HDAC9: variants seen among roughly 807,000 people sequenced by gnomAD.
The protein encoded by HDAC9 is MEF-2 interacting transcription repressor (MITR) protein.
HDAC9 carries 41 observed loss-of-function variants against 139.4 expected under a neutral mutation model. That is an observed-to-expected ratio of 0.29 (90% CI 0.23 to 0.38). HDAC9 has a LOEUF of 0.38. HDAC9 is among the 10% of genes least tolerant of loss of function. The probability of loss-of-function intolerance (pLI) is 1.00; values close to 1 mark genes in which losing one functional copy is unlikely to be tolerated. For missense variants in HDAC9, 1,147 were observed against 1,297.0 expected, an observed-to-expected ratio of 0.88 and a Z score of 1.78; for synonymous variants, 517 against 476.2, an observed-to-expected ratio of 1.09 and a Z score of -1.12.
intron 13 of HDAC9, among the ~76,000 whole-genome samples, chr7:18,743,370 A>C (rs1787629874): frequency 2.0e-5 from 3 of 152,226 alleles, no homozygotes; most frequent in Admixed American, 2.0e-4. Flanking sequence ...ACAGACAAAC[A>C]CAAAGCTGTA....
At chr7:18,415,201 G>A (rs558972365) in intron 1 of HDAC9, among the ~76,000 whole-genome samples, 1 of 152,258 alleles carries the variant, frequency 6.6e-6, no homozygotes, top group East Asian at 1.9e-4. Context: ...AGTAGAACAC[G>A]ATGCTGATAG....
chr7:18,955,249 G>A (rs1281348452), intron 24 of HDAC9, among the ~76,000 whole-genome samples: 2 of 152,072 alleles, frequency 1.3e-5, no homozygotes. Context: ...GAAGGCTGGA[G>A]GTGATTTCAT....
chr7:18,638,967 A>T (rs1784741210), intron 8 of HDAC9, among the ~76,000 whole-genome samples: 1 of 152,040 alleles, frequency 6.6e-6, no homozygotes, highest in South Asian at 2.1e-4. Context: ...GTTTCCATGG[A>T]TATCAACACT....
intron 2 of HDAC9, among the ~76,000 whole-genome samples, chr7:18,195,273 A>G (rs2128154563): frequency 6.6e-6 from 1 of 152,290 alleles, no homozygotes; most frequent in Non-Finnish European, 1.5e-5. Context: ...TTTTGGAGTC[A>G]AGAATTTATC....
chr7:18,421,070 A>T (rs961030137), intron 1 of HDAC9, among the ~76,000 whole-genome samples: 7 of 152,190 alleles, frequency 4.6e-5, no homozygotes, highest in African/African-American at 1.7e-4. Flanking sequence ...CTGCTTCTGT[A>T]CTATGTCCTA....
At chr7:18,279,423 A>C (rs1361872365) in intron 2 of HDAC9, among the ~76,000 whole-genome samples, 1 of 151,704 alleles carries the variant, frequency 6.6e-6, no homozygotes, top group Admixed American at 6.6e-5. Flanking sequence ...AAGATGATGC[A>C]AAAAATTGGT....
intron 1 of HDAC9, among the ~76,000 whole-genome samples, chr7:18,354,271 C>T (rs889001900): frequency 6.6e-6 from 1 of 152,078 alleles, no homozygotes; most frequent in Non-Finnish European, 1.5e-5. Context: ...TTACATTTGC[C>T]ACTTCATTGT....
At chr7:18,295,678 A>G (rs1304899186) in intron 1 of HDAC9, among the ~76,000 whole-genome samples, 3 of 152,166 alleles carry the variant, frequency 2.0e-5, no homozygotes, top group Admixed American at 2.0e-4. Context: ...TGTATTCCCA[A>G]TATCAAGATT....
intron 2 of HDAC9, among the ~76,000 whole-genome samples, chr7:18,224,579 G>A (rs1050291921): frequency 1.3e-5 from 2 of 152,072 alleles, no homozygotes; most frequent in Non-Finnish European, 2.9e-5. Flanking sequence ...TTCTGGGAAG[G>A]GTTCAGTATT....
intron 2 of HDAC9, among the ~76,000 whole-genome samples, chr7:18,576,734 A>G (rs1164079477): frequency 6.6e-6 from 1 of 152,066 alleles, no homozygotes; most frequent in Admixed American, 6.5e-5. Flanking sequence ...AGTCACTATC[A>G]CTTCTCTGTT....
intron 4 of HDAC9, among the ~76,000 whole-genome samples, chr7:18,590,997 C>T (rs1583788343): frequency 1.3e-5 from 2 of 152,158 alleles, no homozygotes; most frequent in East Asian, 1.9e-4. Context: ...AAAATCAGGT[C>T]GTAGCAAAGT....
chr7:18,274,588 G>C (rs1377675082), intron 2 of HDAC9, among the ~76,000 whole-genome samples: 1 of 152,110 alleles, frequency 6.6e-6, no homozygotes, highest in Admixed American at 6.6e-5. Context: ...ATATGAGTTT[G>C]GGTGGGGACA....
At chr7:18,478,110 C>A (rs959639176) in intron 1 of HDAC9, among the ~76,000 whole-genome samples, 1 of 151,428 alleles carries the variant, frequency 6.6e-6, no homozygotes, top group Non-Finnish European at 1.5e-5. Flanking sequence ...CTTGCTCTGT[C>A]GCCCAGGCTG....
chr7:18,201,908 G>A (rs1291354153), intron 2 of HDAC9, among the ~76,000 whole-genome samples: 1 of 152,200 alleles, frequency 6.6e-6, no homozygotes, highest in Non-Finnish European at 1.5e-5. Flanking sequence ...GAATTAAGTA[G>A]CCGGTAATGA....
At position 18,963,118 on chromosome 7, in the gene HDAC9, A is replaced by G. The variant is rs574162585; in HGVS notation, c.3022+8888A>G. Among the ~76,000 whole-genome samples the G allele has an allele frequency of 1.8e-4, 27 of 152,324 alleles. No homozygotes were observed. The South Asian group carries it at 2.5e-3, about 14-fold the overall frequency. ...GCATGCATTAAAACAATCTATTGAA[A>G]TACATTAGTGGGCTTGCTAGAATGT... On this transcript the variant is annotated intron_variant, in intron 24 of 25. Transcript: ENST00000686413.
At chr7:18,911,416 CTTTT>C in intron 22 of HDAC9, among the ~76,000 whole-genome samples, 1 of 151,520 alleles carries the variant, frequency 6.6e-6, no homozygotes, top group African/African-American at 2.4e-5. Context: ...ATCTCGTCTC[CTTTT>C]CTTAGTCTAG....
intron 16 of HDAC9, among the ~76,000 whole-genome samples, chr7:18,789,467 T>C (rs1437533805): frequency 2.6e-5 from 4 of 152,224 alleles, no homozygotes; most frequent in Non-Finnish European, 5.9e-5. Flanking sequence ...TTGCCTTGCA[T>C]GTCTTCTCAA....
At chr7:18,991,430 G>C (rs1201450560) in intron 25 of HDAC9, among the ~76,000 whole-genome samples, 5 of 152,172 alleles carry the variant, frequency 3.3e-5, no homozygotes, top group African/African-American at 9.7e-5. Context: ...CACGAGGTCA[G>C]ATCAAGACCA....
Position 18,821,615 on chromosome 7 carries a change from T to G in HDAC9, c.2323-7546T>G, listed in dbSNP as rs375413102. Among the ~76,000 whole-genome samples, 255 of 152,306 alleles carry G rather than the reference T, an allele frequency of 1.7e-3. 1 individual carries two copies. Among genetic ancestry groups the G allele is most frequent in the African/African-American group, 5.8e-3 (241 of 41,560 alleles). ...CATAGAACACTTCAGACACCATATGTATGTGTTTTTTCCTACAGCCAGCAA... is the reference window on the plus strand; with the variant it reads ...CATAGAACACTTCAGACACCATATGGATGTGTTTTTTCCTACAGCCAGCAA... On this transcript the variant is annotated intron_variant, in intron 17 of 25. Transcript: ENST00000686413.
Sources: allele counts gnomAD v4.1 joint callset (sites outside exome capture counted in the v4.1 genomes callset), GRCh38; gene constraint gnomAD v4.1.1; transcripts MANE v1.5; gene names NCBI Gene and HGNC (gene_info 2026-07-23, HGNC 2026-07-21).